Variants in NALCN observed in about 807,000 individuals in gnomAD.
The protein encoded by NALCN is sodium leak channel, non-selective, also known as sodium leak channel NALCN.
In NALCN, 111 loss-of-function variants were observed where a neutral mutation model predicts 225.3. The observed-to-expected ratio is 0.49, with a 90% CI of 0.42 to 0.58. The LOEUF is 0.58. Among genes scored for constraint, NALCN ranks in the 20% least tolerant of loss-of-function variants. The pLI, the probability that NALCN is intolerant of heterozygous loss-of-function variation, is 0.00. For missense variants in NALCN, 1,378 were observed against 2,202.4 expected (o/e 0.63, Z 7.49); for synonymous variants, 764 against 769.0 (o/e 0.99, Z 0.11).
At chr13:101,400,437 G>A (rs1335736114) in intron 1 of NALCN, among the ~76,000 whole-genome samples, 3 of 152,070 alleles carry the variant, frequency 2.0e-5, no homozygotes, top group African/African-American at 7.2e-5. Flanking sequence ...AACATCAGGC[G>A]GGTTCACTGG....
intron 13 of NALCN, among the ~76,000 whole-genome samples, chr13:101,202,712 A>G (rs538089719): frequency 6.6e-6 from 1 of 152,272 alleles, no homozygotes; most frequent in Admixed American, 6.5e-5. Context: ...GACACTGCCA[A>G]CAAAGCTCCT....
At chr13:101,130,180 A>T (rs1360508159) in intron 17 of NALCN, among the ~76,000 whole-genome samples, 2 of 151,596 alleles carry the variant, frequency 1.3e-5, no homozygotes, top group East Asian at 3.9e-4. Context: ...AGCACTCTTG[A>T]TTATCAAGAG....
At chr13:101,143,393 C>T (rs1490663529) in intron 16 of NALCN, among the ~76,000 whole-genome samples, 172 bp from the exon 17 acceptor site, 1 of 152,134 alleles carries the variant, frequency 6.6e-6, no homozygotes, top group Non-Finnish European at 1.5e-5. Flanking sequence ...AACTCAGTGA[C>T]TCCTGCTTAA....
chr13:101,177,808 A>C (rs1402852451), intron 14 of NALCN, among the ~76,000 whole-genome samples: 1 of 152,160 alleles, frequency 6.6e-6, no homozygotes, highest in Non-Finnish European at 1.5e-5. Flanking sequence ...CAGAAAGTTG[A>C]GATAATTCAG....
intron 9 of NALCN, among the ~76,000 whole-genome samples, chr13:101,290,969 T>G (rs180884372): frequency 1.3e-5 from 2 of 152,312 alleles, no homozygotes; most frequent in African/African-American, 4.8e-5. Flanking sequence ...CCTTCCTTTT[T>G]TTAACACCAC....
At chr13:101,348,285 C>T (rs2045803223) in intron 6 of NALCN, among the ~76,000 whole-genome samples, 1 of 152,066 alleles carries the variant, frequency 6.6e-6, no homozygotes, top group South Asian at 2.1e-4. Context: ...TTTAGTTTTC[C>T]AATCCATAAT....
At position 101,058,261 on chromosome 13, in the gene NALCN, A is replaced by G. The variant is rs187285815; in HGVS notation, c.4906-205T>C. 610 of 544,036 alleles carry G rather than the reference A, an allele frequency of 1.1e-3. 1 individual carries two copies. Among genetic ancestry groups the G allele is most frequent in the Non-Finnish European group, 8.4e-4 (259 of 309,140 alleles). The allele number at this position is 544,036 out of a possible 1,614,324, so 33.7% of individuals were successfully genotyped here. A position where few individuals can be genotyped will look rare whatever the true frequency, so the allele number is the denominator to read the frequency against. ...CACTGCACGCCCTGCTGAAGGAGACACCACTCTTCCTGGGACATCTTGTCC... is the reference window on the plus strand; with the variant it reads ...CACTGCACGCCCTGCTGAAGGAGACGCCACTCTTCCTGGGACATCTTGTCC... On this transcript the variant is annotated intron_variant, in intron 42 of 43. Transcript: ENST00000251127.
chr13:101,400,572 TGTGTGTGTGCAC>T (rs1441279460), intron 1 of NALCN, among the ~76,000 whole-genome samples: 14 of 121,930 alleles, frequency 1.1e-4, no homozygotes, highest in African/African-American at 3.3e-4. Flanking sequence ...TGTGTGTGTG[TGTGTGTGTGCAC>T]GTGTGTGCGC....
At chr13:101,195,993 G>A (rs2140019686) in intron 13 of NALCN, among the ~76,000 whole-genome samples, 1 of 152,234 alleles carries the variant, frequency 6.6e-6, no homozygotes, top group Admixed American at 6.5e-5. Context: ...GATAGTCAAT[G>A]TTTCCTATGA....
chr13:101,212,525 G>A (rs7330904), intron 13 of NALCN, among the ~76,000 whole-genome samples: 13,901 of 151,996 alleles, frequency 0.091, 1,888 homozygotes, highest in African/African-American at 0.3. Flanking sequence ...TGTTCATGTC[G>A]GTATGCTTCC....
At chr13:101,399,659 G>A (rs1384959404) in intron 1 of NALCN, among the ~76,000 whole-genome samples, 1 of 152,138 alleles carries the variant, frequency 6.6e-6, no homozygotes, top group African/African-American at 2.4e-5. Flanking sequence ...AACTTGGGAG[G>A]GGAGGGAGGT....
chr13:101,214,654 G>A (rs2040660670), intron 13 of NALCN, among the ~76,000 whole-genome samples: 1 of 152,078 alleles, frequency 6.6e-6, no homozygotes, highest in Admixed American at 6.6e-5. Context: ...CTAAGAAGTA[G>A]CTTGAATCAA....
At chr13:101,351,255 T>C (rs2139323832) in intron 6 of NALCN, among the ~76,000 whole-genome samples, 1 of 152,310 alleles carries the variant, frequency 6.6e-6, no homozygotes, top group African/African-American at 2.4e-5. Context: ...AAATTGGCAC[T>C]GATTTTCAAT....
At chr13:101,101,680 G>A (rs2034831054) in intron 26 of NALCN, among the ~76,000 whole-genome samples, 1 of 152,122 alleles carries the variant, frequency 6.6e-6, no homozygotes, top group African/African-American at 2.4e-5. Flanking sequence ...TCTATGCATA[G>A]AGGAGAGGAG....
At chr13:101,139,517 T>C (rs1386778153) in intron 17 of NALCN, among the ~76,000 whole-genome samples, 1 of 152,208 alleles carries the variant, frequency 6.6e-6, no homozygotes, top group African/African-American at 2.4e-5. Flanking sequence ...GAATCACCGA[T>C]AAACCAGCCT....
intron 14 of NALCN, among the ~76,000 whole-genome samples, chr13:101,179,822 G>A (rs185103549): frequency 6.6e-6 from 1 of 152,270 alleles, no homozygotes; most frequent in East Asian, 1.9e-4. Context: ...GGAGGCCAGA[G>A]TCCAAAATTG....
At chr13:101,337,320 A>ATTTT (rs1287078001) in intron 7 of NALCN, among the ~76,000 whole-genome samples, 67 of 135,466 alleles carry the variant, frequency 4.9e-4, no homozygotes, top group African/African-American at 1.6e-3. Flanking sequence ...TTATTTATTT[A>ATTTT]TTTTTTGAGA....
chr13:101,270,011 A>G (rs2042723409), intron 10 of NALCN, among the ~76,000 whole-genome samples: 1 of 152,226 alleles, frequency 6.6e-6, no homozygotes, highest in Non-Finnish European at 1.5e-5. Context: ...AAGAGTAGAA[A>G]AATCCAACCA....
rs1002752554 is a variant in NALCN at position 101,175,317 on chromosome 13, T to C, written c.1839+983A>G. On this transcript the variant is annotated intron_variant, in intron 15 of 43. Coordinates refer to ENST00000251127, the MANE Select transcript of NALCN (RefSeq NM_052867.4). Reference sequence around the variant, plus strand: ...AAAGCATAGGCTTTAAAGGTAAGAGTAATAAAATGAAATGCCTAACCTGAT... The same window carrying C: ...AAAGCATAGGCTTTAAAGGTAAGAGCAATAAAATGAAATGCCTAACCTGAT... 1.7e-4 allele frequency among the ~76,000 whole-genome samples: 26 copies of C among 151,336 alleles called. 1 individual carries two copies. Among genetic ancestry groups the C allele is most frequent in the Non-Finnish European group, 1.5e-5 (1 of 67,892 alleles).
Sources: gnomAD v4.1 joint callset for allele counts (sites outside exome capture counted in the v4.1 genomes callset) on GRCh38, gnomAD v4.1.1 for gene constraint, MANE v1.5 for transcripts, NCBI Gene and HGNC (gene_info 2026-07-23, HGNC 2026-07-21) for gene names.